The following AOPEP variants were observed in gnomAD, a reference collection of about 807,000 sequenced individuals.
AOPEP encodes aminopeptidase O.
In AOPEP, 77 loss-of-function variants were observed where a neutral mutation model predicts 98.1. The ratio of observed to expected loss-of-function variants is 0.78; its 90% CI spans 0.65 to 0.95. The LOEUF (loss-of-function observed/expected upper bound fraction) is 0.95. Ranked by LOEUF, AOPEP falls within the 40% of genes least tolerant of loss-of-function variation. The pLI is 0.00. For synonymous variants in AOPEP, 346 were observed against 365.3 expected, an observed-to-expected ratio of 0.95 and a Z score of 0.60; for missense variants, 1,024 against 1,024.7, an observed-to-expected ratio of 1.00 and a Z score of 0.01.
Position 95,014,876 on chromosome 9 carries a change from C to T in AOPEP, c.2115+9260C>T, listed in dbSNP as rs529282056. On this transcript the variant is annotated intron_variant, in intron 13 of 16. Transcript: ENST00000375315. ...TGCTGAAAACCTAAGTCAGCCTGAA[C>T]AACCAGTACATTTTCTTGAATTTAT... Among the ~76,000 whole-genome samples the T allele has an allele frequency of 1.3e-4, 20 of 152,294 alleles. No individual in the cohort carries two copies. In the Middle Eastern group the frequency reaches 0.01, roughly 78 times the overall value.
At chr9:94,787,062 G>A (rs929975354) in intron 3 of AOPEP, among the ~76,000 whole-genome samples, 1 of 152,338 alleles carries the variant, frequency 6.6e-6, no homozygotes, top group Admixed American at 6.5e-5. Context: ...GAATTTGTGT[G>A]ATATTTAAAA....
At chr9:95,149,967 G>T in the AOPEP span, 1 of 1,612,398 alleles carries the variant, frequency 6.2e-7, no homozygotes, top group Admixed American at 1.7e-5. Context: ...CTGGCTGGAG[G>T]ATTTCCTGAG....
intron 3 of AOPEP, chr9:94,773,403 C>T (rs1841327626): frequency 2.6e-6 from 1 of 382,628 alleles, no homozygotes; most frequent in African/African-American, 2.0e-5. Context: ...TAGACTATTT[C>T]AGCAGTTGCT....
At chr9:94,874,611 C>A (rs2046713788) in intron 5 of AOPEP, among the ~76,000 whole-genome samples, 1 of 151,972 alleles carries the variant, frequency 6.6e-6, no homozygotes, top group Admixed American at 6.6e-5. Context: ...TTCCCTTTTT[C>A]TTTTTTTAAA....
At chr9:94,879,180 A>G (rs761227578) in intron 5 of AOPEP, among the ~76,000 whole-genome samples, 2 of 152,318 alleles carry the variant, frequency 1.3e-5, no homozygotes, top group Middle Eastern at 3.4e-3. Flanking sequence ...CCTAAACTAC[A>G]ATTTCTAATC....
chr9:94,986,784 T>C (rs1339104522), intron 11 of AOPEP, among the ~76,000 whole-genome samples: 1 of 152,236 alleles, frequency 6.6e-6, no homozygotes, highest in African/African-American at 2.4e-5. Context: ...AGAAACATTT[T>C]CCTCTGGTGC....
chr9:94,783,213 G>A (rs1177097350), intron 3 of AOPEP, among the ~76,000 whole-genome samples: 2 of 152,176 alleles, frequency 1.3e-5, no homozygotes, highest in African/African-American at 2.4e-5. Flanking sequence ...CTATAGAGGC[G>A]CTTGTGTTCA....
intron 7 of AOPEP, among the ~76,000 whole-genome samples, chr9:94,953,603 G>A (rs1187840641): frequency 1.3e-5 from 2 of 152,180 alleles, no homozygotes; most frequent in Non-Finnish European, 2.9e-5. Context: ...TTTTACAAGT[G>A]AGTAAATGAA....
intron 6 of AOPEP, among the ~76,000 whole-genome samples, chr9:94,927,002 G>A (rs373469207): frequency 2.0e-4 from 30 of 152,264 alleles, no homozygotes; most frequent in African/African-American, 6.3e-4. Context: ...CCAGAGACTG[G>A]GTGAATTAAA....
the AOPEP span, among the ~76,000 whole-genome samples, chr9:95,128,800 C>T: frequency 6.6e-6 from 1 of 152,228 alleles, no homozygotes; most frequent in Admixed American, 6.5e-5. Flanking sequence ...TGGCTACTCT[C>T]AGCCTGCTTC....
At chr9:95,006,048 T>G (rs1256706819) in intron 13 of AOPEP, 1 of 472,898 alleles carries the variant, frequency 2.1e-6, no homozygotes, top group East Asian at 6.9e-5. Context: ...AAGAAAGAAG[T>G]GGATTACTTT....
the AOPEP span, among the ~76,000 whole-genome samples, chr9:95,136,922 C>G: frequency 6.6e-6 from 1 of 152,214 alleles, no homozygotes; most frequent in East Asian, 1.9e-4. Flanking sequence ...GCCCCAACTG[C>G]TGGCTCTGGG....
At chr9:95,104,264 C>T in the AOPEP span, among the ~76,000 whole-genome samples, 4 of 152,236 alleles carry the variant, frequency 2.6e-5, no homozygotes, top group Non-Finnish European at 4.4e-5. Flanking sequence ...TTCAAAACAT[C>T]CGAAAGGACA....
Position 95,019,081 on chromosome 9 carries a change from C to T in AOPEP, c.2115+13465C>T, listed in dbSNP as rs145149798. Reference sequence around the variant, plus strand: ...TTTTTTCCTGTAACTGTTCTTCAGCCGGCAGCAAGTATAGCAGCAAGTATA... The same window carrying T: ...TTTTTTCCTGTAACTGTTCTTCAGCTGGCAGCAAGTATAGCAGCAAGTATA... On this transcript the variant is annotated intron_variant, in intron 13 of 16. Coordinates refer to ENST00000375315, the MANE Select transcript of AOPEP (RefSeq NM_001193329.3). 8.5e-5 allele frequency: 13 copies of T among 152,114 alleles called. No homozygotes were observed. In the East Asian group the frequency reaches 1.7e-3, roughly 20 times the overall value. The allele number at this position is 152,114 out of a possible 1,614,324, so 9.4% of individuals were successfully genotyped here. A position where few individuals can be genotyped will look rare whatever the true frequency, so the allele number is the denominator to read the frequency against.
chr9:94,874,985 T>G (rs1397873963), intron 5 of AOPEP, among the ~76,000 whole-genome samples: 1 of 152,218 alleles, frequency 6.6e-6, no homozygotes. Context: ...AAGGATGGAT[T>G]CTTGGCTGAA....
intron 14 of AOPEP, among the ~76,000 whole-genome samples, chr9:95,069,652 A>G (rs1472224057): frequency 6.6e-6 from 1 of 152,274 alleles, no homozygotes; most frequent in Non-Finnish European, 1.5e-5. Flanking sequence ...GTCTAAGACC[A>G]CACAGGTGAA....
intron 5 of AOPEP, among the ~76,000 whole-genome samples, chr9:94,915,010 C>T (rs1564372059): frequency 6.6e-6 from 1 of 152,172 alleles, no homozygotes; most frequent in African/African-American, 2.4e-5. Context: ...ACCTACCTCC[C>T]GGTGCTTCTG....
intron 11 of AOPEP, among the ~76,000 whole-genome samples, chr9:94,986,579 A>G (rs2060532996): frequency 6.6e-6 from 1 of 152,186 alleles, no homozygotes; most frequent in African/African-American, 2.4e-5. Context: ...TGATGTTAGT[A>G]TCTAGTGAGT....
In AOPEP at chr9:94,930,619, G is replaced by C. The variant is rs189995944; in HGVS notation, c.1661+2088G>C. Among the ~76,000 whole-genome samples, 1 of 152,082 alleles carries C rather than the reference G, an allele frequency of 6.6e-6. No individual in the cohort carries two copies. The highest frequency in any genetic ancestry group is 6.5e-5 in the Admixed American group (1 of 15,278). On this transcript the variant is annotated intron_variant, in intron 7 of 16. Coordinates refer to ENST00000375315, the MANE Select transcript of AOPEP (RefSeq NM_001193329.3). This position sits in a 1 kb window ranked among gnomAD's most constrained non-coding sequence, Gnocchi z 4.5. ...GGAAACCATTATGTGTTTCCCCAGA[G>C]AAAACCAGGGCACTAGGGGCCATGG...
Sources: allele counts gnomAD v4.1 joint callset (sites outside exome capture counted in the v4.1 genomes callset), GRCh38; gene constraint gnomAD v4.1.1; non-coding constraint Gnocchi (gnomAD v3.1); transcripts MANE v1.5; gene names NCBI Gene and HGNC (gene_info 2026-07-23, HGNC 2026-07-21).